HDAC9: variants seen among roughly 807,000 people sequenced by gnomAD.
HDAC9 encodes the protein histone deacetylase 9.
A neutral mutation model predicts 139.4 loss-of-function variants in HDAC9; 41 were observed. The observed-to-expected ratio is 0.29, with a 90% CI of 0.23 to 0.38. The LOEUF is 0.38. Ranked by LOEUF, HDAC9 falls within the 10% of genes least tolerant of loss-of-function variation. HDAC9 has a pLI of 1.00. For synonymous variants in HDAC9, 517 were observed against 476.2 expected, an observed-to-expected ratio of 1.09 and a Z score of -1.12; for missense variants, 1,147 against 1,297.0, an observed-to-expected ratio of 0.88 and a Z score of 1.78.
chr7:18,905,838 T>C (rs1218855903), intron 22 of HDAC9, among the ~76,000 whole-genome samples: 1 of 151,802 alleles, frequency 6.6e-6, no homozygotes, highest in African/African-American at 2.4e-5. Context: ...TAGTTATTTC[T>C]AATGCTGAAT....
chr7:18,874,443 T>A (rs1472559117), intron 21 of HDAC9, 35 bp from the exon 22 acceptor site: 2 of 1,360,932 alleles, frequency 1.5e-6, no homozygotes, highest in Admixed American at 2.0e-5. Flanking sequence ...TATTCACCAG[T>A]CCCACGTGTG....
rs560749714 is a variant in HDAC9 at position 18,436,555 on chromosome 7, T to C, written c.-41-59707T>C. On this transcript the variant is annotated intron_variant, in intron 1 of 3. Transcript: ENST00000413509. ...TGTGGAATTGTCATGAGGGACTGTTTGGTGCTTCACATATACAATAAACAT... is the reference window on the plus strand; with the variant it reads ...TGTGGAATTGTCATGAGGGACTGTTCGGTGCTTCACATATACAATAAACAT... Among the ~76,000 whole-genome samples, 9 of 152,338 alleles carry C rather than the reference T, an allele frequency of 5.9e-5. No individual in the cohort carries two copies. The South Asian group carries it at 1.9e-3, about 32-fold the overall frequency.
intron 16 of HDAC9, among the ~76,000 whole-genome samples, chr7:18,769,340 A>G (rs998297201): frequency 2.0e-5 from 3 of 152,176 alleles, no homozygotes; most frequent in African/African-American, 7.2e-5. Context: ...CTGGACCAGT[A>G]TATCAAACAT....
chr7:18,746,245 A>G (rs1263816852), intron 13 of HDAC9, among the ~76,000 whole-genome samples: 3 of 152,146 alleles, frequency 2.0e-5, no homozygotes, highest in East Asian at 1.9e-4. Flanking sequence ...TTTTTATTTT[A>G]TGAAACTATA....
rs1198056874 is a variant in HDAC9, at chr7:18,435,654, T to C, written c.-41-60608T>C. The stretch of plus-strand genomic sequence containing the variant: ...AGGTTTGTTATGTAGGTAAATTGCA[T>C]GTCTTGGGGGTTTGGTGTACAGATT... On this transcript the variant is annotated intron_variant, in intron 1 of 3. Coordinates refer to the HDAC9 transcript ENST00000413509. Among the ~76,000 whole-genome samples, 6 of 151,156 alleles carry C rather than the reference T, an allele frequency of 4.0e-5. No homozygotes were observed. In the South Asian group the frequency reaches 1.2e-3, roughly 31 times the overall value.
At chr7:18,900,805 C>T (rs1360584374) in intron 22 of HDAC9, among the ~76,000 whole-genome samples, 1 of 152,036 alleles carries the variant, frequency 6.6e-6, no homozygotes, top group African/African-American at 2.4e-5. Context: ...GAATACCACC[C>T]CTACCCTGGG....
intron 2 of HDAC9, among the ~76,000 whole-genome samples, chr7:18,204,401 G>A (rs910456560): frequency 3.4e-5 from 5 of 148,078 alleles, no homozygotes; most frequent in African/African-American, 5.0e-5. Context: ...TTAGGTTAAA[G>A]GCTTTGCATA....
chr7:18,180,610 G>T (rs1396153124), intron 2 of HDAC9, among the ~76,000 whole-genome samples: 2 of 152,072 alleles, frequency 1.3e-5, no homozygotes, highest in Non-Finnish European at 2.9e-5. Context: ...AATACCAGAA[G>T]GAGCCAAGAA....
At chr7:18,828,933 C>T (rs1450014337) in intron 17 of HDAC9, among the ~76,000 whole-genome samples, 1 of 152,208 alleles carries the variant, frequency 6.6e-6, no homozygotes, top group African/African-American at 2.4e-5. Flanking sequence ...GCCCTTCCCC[C>T]GACTCGGAGC....
chr7:18,700,694 G>T (rs1051249261), intron 12 of HDAC9, among the ~76,000 whole-genome samples: 2 of 152,140 alleles, frequency 1.3e-5, no homozygotes, highest in Non-Finnish European at 2.9e-5. Flanking sequence ...GTCTAGGCTG[G>T]CCTTGCTCAC....
intron 12 of HDAC9, among the ~76,000 whole-genome samples, chr7:18,689,553 G>A (rs1160631985): frequency 1.3e-5 from 2 of 151,972 alleles, no homozygotes; most frequent in Non-Finnish European, 2.9e-5. Context: ...TAACCAGATA[G>A]TGCCTGATAT....
At chr7:18,657,044 T>A (rs888186121) in intron 11 of HDAC9, among the ~76,000 whole-genome samples, 2 of 152,182 alleles carry the variant, frequency 1.3e-5, no homozygotes, top group Admixed American at 1.3e-4. Flanking sequence ...TTAATGATGT[T>A]CAACATTTTT....
chr7:18,780,089 A>C (rs1351393791), intron 16 of HDAC9, among the ~76,000 whole-genome samples: 4 of 151,974 alleles, frequency 2.6e-5, no homozygotes, highest in Admixed American at 6.6e-5. Context: ...GAGATTCTGC[A>C]TTTCTCATAG....
intron 1 of HDAC9, among the ~76,000 whole-genome samples, chr7:18,133,496 A>G (rs1242338804): frequency 2.0e-5 from 3 of 152,168 alleles, no homozygotes; most frequent in African/African-American, 7.2e-5. Flanking sequence ...CTTTGGCATC[A>G]GCTTATTTTT....
intron 1 of HDAC9, among the ~76,000 whole-genome samples, chr7:18,464,637 G>C (rs969985415): frequency 2.2e-4 from 34 of 152,076 alleles, no homozygotes; most frequent in African/African-American, 8.2e-4. Flanking sequence ...AAATGACAGG[G>C]AGCATTGCTA....
chr7:18,854,045 A>G (rs140016358), intron 21 of HDAC9, among the ~76,000 whole-genome samples: 19 of 152,318 alleles, frequency 1.2e-4, no homozygotes, highest in Non-Finnish European at 2.6e-4. Flanking sequence ...TCTAGTATAA[A>G]TAAATAGACA....
At chr7:18,422,501 G>C (rs1438279458) in intron 1 of HDAC9, among the ~76,000 whole-genome samples, 1 of 152,052 alleles carries the variant, frequency 6.6e-6, no homozygotes, top group Non-Finnish European at 1.5e-5. Context: ...ACTTTGCCCA[G>C]TTTCTGTCCA....
chr7:18,786,623 C>G (rs13225984), intron 16 of HDAC9, among the ~76,000 whole-genome samples: 2 of 24,746 alleles, frequency 8.1e-5, no homozygotes, highest in Admixed American at 3.8e-4. Flanking sequence ...CCTTCCCTCC[C>G]TCCCTCCTTC....
At chr7:18,620,075 C>T (rs1260450156) in intron 6 of HDAC9, among the ~76,000 whole-genome samples, 1 of 152,158 alleles carries the variant, frequency 6.6e-6, no homozygotes, top group African/African-American at 2.4e-5. Flanking sequence ...CAGCACTTAA[C>T]ATGCACTTTT....
Sources: allele counts gnomAD v4.1 joint callset (sites outside exome capture counted in the v4.1 genomes callset), GRCh38; gene constraint gnomAD v4.1.1; transcripts MANE v1.5; gene names NCBI Gene and HGNC (gene_info 2026-07-23, HGNC 2026-07-21).